Variants in DSCAM observed in about 807,000 individuals in gnomAD.
DSCAM encodes the protein cell adhesion molecule DSCAM.
Under a neutral mutation model 217.7 loss-of-function variants are expected in DSCAM, and 47 were observed. The observed-to-expected ratio is 0.22, with a 90% CI of 0.17 to 0.28. DSCAM has a LOEUF of 0.28. Among genes scored for constraint, DSCAM ranks in the 10% least tolerant of loss-of-function variants. The probability of loss-of-function intolerance (pLI) is 1.00; values close to 1 mark genes in which losing one functional copy is unlikely to be tolerated. For missense variants in DSCAM, 2,080 were observed against 2,618.3 expected (o/e 0.79, Z 4.49); for synonymous variants, 1,056 against 1,015.3 (o/e 1.04, Z -0.76).
intron 25 of DSCAM, among the ~76,000 whole-genome samples, 155 bp from the exon 26 acceptor site, chr21:40,079,132 G>C (rs919952955): frequency 1.3e-5 from 2 of 152,224 alleles, no homozygotes; most frequent in African/African-American, 4.8e-5. Context: ...CCTGTTAATA[G>C]AGACTTTATG....
At chr21:40,457,668 A>G (rs1456528340) in intron 3 of DSCAM, among the ~76,000 whole-genome samples, 2 of 152,244 alleles carry the variant, frequency 1.3e-5, no homozygotes, top group African/African-American at 4.8e-5. Flanking sequence ...ACACAGAAAA[A>G]GAGGGGAAAA....
chr21:40,167,369 C>G (rs544414612), intron 15 of DSCAM, 81 bp from the exon 16 acceptor site: 53 of 1,204,984 alleles, frequency 4.4e-5, no homozygotes, highest in Non-Finnish European at 6.0e-5. Flanking sequence ...AGGTGGTCCC[C>G]GAGGACAACC....
At chr21:40,695,757 A>G (rs1336013042) in intron 2 of DSCAM, among the ~76,000 whole-genome samples, 2 of 152,236 alleles carry the variant, frequency 1.3e-5, no homozygotes, top group East Asian at 1.9e-4. Context: ...CCATTCTGGG[A>G]GAACTTCTAA....
chr21:40,205,413 G>A (rs912930527), intron 11 of DSCAM, among the ~76,000 whole-genome samples: 15 of 152,082 alleles, frequency 9.9e-5, no homozygotes, highest in Non-Finnish European at 2.1e-4. Context: ...GACCAGACCG[G>A]CCAACATGGC....
At chr21:40,164,409 T>C (rs922128931) in intron 16 of DSCAM, among the ~76,000 whole-genome samples, 1 of 152,112 alleles carries the variant, frequency 6.6e-6, no homozygotes, top group Non-Finnish European at 1.5e-5. Flanking sequence ...CTGCAGCTGA[T>C]GTAGGATGGC....
chr21:40,240,716 AT>A (rs1460839692), intron 11 of DSCAM, among the ~76,000 whole-genome samples: 2 of 152,138 alleles, frequency 1.3e-5, no homozygotes, highest in African/African-American at 4.8e-5. Context: ...GTGTGAAAAT[AT>A]TGGATTCCTC....
chr21:40,076,291 G>A (rs1293052991), intron 26 of DSCAM, among the ~76,000 whole-genome samples: 1 of 151,928 alleles, frequency 6.6e-6, no homozygotes, highest in Non-Finnish European at 1.5e-5. Flanking sequence ...CCATGAAGAG[G>A]GGTCTGCAAA....
At chr21:40,672,108 C>T (rs1410409291) in intron 3 of DSCAM, among the ~76,000 whole-genome samples, 1 of 152,170 alleles carries the variant, frequency 6.6e-6, no homozygotes, top group Non-Finnish European at 1.5e-5. Flanking sequence ...TATAAGGACA[C>T]CAGTCCTATT....
chr21:40,434,038 T>C (rs961238861), intron 3 of DSCAM, among the ~76,000 whole-genome samples: 4 of 152,246 alleles, frequency 2.6e-5, no homozygotes, highest in Non-Finnish European at 5.9e-5. Context: ...CTAGACCGCC[T>C]TTCTTCTTCC....
At chr21:40,081,887 T>C (rs374346745) in intron 24 of DSCAM, among the ~76,000 whole-genome samples, 5 of 152,340 alleles carry the variant, frequency 3.3e-5, no homozygotes, top group African/African-American at 9.6e-5. Context: ...CTGGAAGACC[T>C]TGTGCTCTGA....
chr21:40,457,672 G>A (rs990741108), intron 3 of DSCAM, among the ~76,000 whole-genome samples: 8 of 151,840 alleles, frequency 5.3e-5, no homozygotes, highest in Non-Finnish European at 8.8e-5. Flanking sequence ...AGAAAAAGAG[G>A]GGAAAATGCA....
intron 1 of DSCAM, among the ~76,000 whole-genome samples, chr21:40,785,163 T>C (rs1362760845): frequency 6.6e-6 from 1 of 152,206 alleles, no homozygotes; most frequent in East Asian, 1.9e-4. Flanking sequence ...ACATAAACTA[T>C]CTTTGGTGAG....
chr21:40,623,889 T>C (rs1317991440), intron 3 of DSCAM, among the ~76,000 whole-genome samples: 2 of 152,214 alleles, frequency 1.3e-5, no homozygotes, highest in African/African-American at 4.8e-5. Flanking sequence ...CATATCTGAT[T>C]TGATAATGAT....
intron 21 of DSCAM, among the ~76,000 whole-genome samples, chr21:40,090,225 C>T (rs745743445): frequency 6.6e-6 from 1 of 152,190 alleles, no homozygotes; most frequent in Non-Finnish European, 1.5e-5. Flanking sequence ...CTGGGATCTT[C>T]CCGTTACCAC....
chr21:40,845,567 C>CTCTCTCTCTCTCTG (rs1002506959), intron 1 of DSCAM, among the ~76,000 whole-genome samples: 1 of 149,604 alleles, frequency 6.7e-6, no homozygotes, highest in South Asian at 2.1e-4. Context: ...CTCTCTCTCT[C>CTCTCTCTCTCTCTG]TCTGTCTCTG....
At chr21:40,045,448 C>T (rs1426818091) in intron 30 of DSCAM, among the ~76,000 whole-genome samples, 2 of 152,134 alleles carry the variant, frequency 1.3e-5, no homozygotes, top group Non-Finnish European at 2.9e-5. Context: ...AATCTGGAAC[C>T]AAAGGCAGCA....
intron 1 of DSCAM, among the ~76,000 whole-genome samples, chr21:40,836,734 A>G (rs2092060040): frequency 1.3e-5 from 2 of 152,190 alleles, no homozygotes; most frequent in Admixed American, 1.3e-4. Context: ...TAATAATGCA[A>G]ATTCACAGGT....
At chr21:40,831,755 G>C (rs1375728891) in intron 1 of DSCAM, among the ~76,000 whole-genome samples, 1 of 152,194 alleles carries the variant, frequency 6.6e-6, no homozygotes, top group Admixed American at 6.5e-5. Context: ...TCATGAAATA[G>C]TTGCACCTCT....
chr21:40,080,527 T>C (rs571774205), intron 24 of DSCAM, among the ~76,000 whole-genome samples, 187 bp from the exon 25 acceptor site: 76 of 152,294 alleles, frequency 5.0e-4, no homozygotes, highest in Non-Finnish European at 4.4e-5. Context: ...CCATGATGTA[T>C]TGATTAGTGA....
Sources: allele counts gnomAD v4.1 joint callset (sites outside exome capture counted in the v4.1 genomes callset), GRCh38; gene constraint gnomAD v4.1.1; transcripts MANE v1.5; gene names NCBI Gene and HGNC (gene_info 2026-07-23, HGNC 2026-07-21).